The following EXOC2 variants were observed in gnomAD, a reference collection of about 807,000 sequenced individuals.
EXOC2 encodes the protein SEC5-like 1.
Under a neutral mutation model 131.8 loss-of-function variants are expected in EXOC2, and 70 were observed. The ratio of observed to expected loss-of-function variants is 0.53; its 90% CI spans 0.44 to 0.65. The LOEUF (loss-of-function observed/expected upper bound fraction) is 0.65. Ranked by LOEUF, EXOC2 falls within the 30% of genes least tolerant of loss-of-function variation. EXOC2 has a pLI of 0.00. For missense variants in EXOC2, 923 were observed against 1,108.6 expected (o/e 0.83, Z 2.38); for synonymous variants, 411 against 398.4 (o/e 1.03, Z -0.38).
At chr6:551,572 T>C (rs1448147891) in intron 21 of EXOC2, among the ~76,000 whole-genome samples, 1 of 152,076 alleles carries the variant, frequency 6.6e-6, no homozygotes, top group Non-Finnish European at 1.5e-5. Flanking sequence ...CTCCACCCAC[T>C]GGAAGAGGCA....
chr6:635,222 T>C (rs1762044944), intron 2 of EXOC2, among the ~76,000 whole-genome samples: 2 of 152,354 alleles, frequency 1.3e-5, no homozygotes, highest in South Asian at 2.1e-4. Flanking sequence ...GCTAGAGAAC[T>C]ACCTTATTTT....
rs60211087 is a variant in EXOC2, at chr6:584,007, T to A, written c.1193-7125A>T. On this transcript the variant is annotated intron_variant, in intron 11 of 27. Coordinates refer to ENST00000230449, the MANE Select transcript of EXOC2 (RefSeq NM_018303.6). Reference sequence around the variant, plus strand: ...AATATTCAGGAGAGAAACAATTTTTTAAATCTCTAGAAAATTAACTCCATA... The same window carrying A: ...AATATTCAGGAGAGAAACAATTTTTAAAATCTCTAGAAAATTAACTCCATA... Among the ~76,000 whole-genome samples the A allele has an allele frequency of 5.9e-3, 898 of 152,332 alleles. 9 individuals are homozygous for A. Among genetic ancestry groups the A allele is most frequent in the African/African-American group, 0.02 (818 of 41,556 alleles).
intron 13 of EXOC2, among the ~76,000 whole-genome samples, chr6:566,121 A>G (rs958473159): frequency 6.6e-6 from 1 of 152,214 alleles, no homozygotes; most frequent in African/African-American, 2.4e-5. Flanking sequence ...ATGTATAAAA[A>G]CTAAACCTGC....
chr6:560,950 C>T (rs1377031507), intron 17 of EXOC2, among the ~76,000 whole-genome samples: 5 of 151,934 alleles, frequency 3.3e-5, no homozygotes, highest in Admixed American at 6.6e-5. Context: ...TCAGGTGATC[C>T]GCCCGCCTGA....
intron 23 of EXOC2, among the ~76,000 whole-genome samples, chr6:512,189 G>T (rs955730359): frequency 1.3e-5 from 2 of 152,198 alleles, no homozygotes; most frequent in African/African-American, 4.8e-5. Context: ...TGGGACTGAG[G>T]AAGGCCCACA....
At chr6:682,575 T>C (rs1562011091) in intron 1 of EXOC2, among the ~76,000 whole-genome samples, 2 of 151,796 alleles carry the variant, frequency 1.3e-5, no homozygotes, top group Non-Finnish European at 2.9e-5. Context: ...TATTTTTTCC[T>C]CTCTCTCTCT....
intron 1 of EXOC2, chr6:656,678 C>T (rs753358962): frequency 1.1e-4 from 175 of 1,606,978 alleles, no homozygotes; most frequent in Admixed American, 6.7e-5. Context: ...TTCTCGCCGC[C>T]CGGGACAGGT....
At chr6:538,608 C>G (rs966477314) in intron 22 of EXOC2, among the ~76,000 whole-genome samples, 1 of 151,836 alleles carries the variant, frequency 6.6e-6, no homozygotes, top group African/African-American at 2.4e-5. Context: ...GTGTCTCTAA[C>G]AAAAACACAG....
chr6:554,191 G>A lies in EXOC2; in HGVS notation c.2055-271C>T, dbSNP rs1385816619. Reference sequence around the variant, plus strand: ...TGAGTAGCTGGGATTACAGGCGCCCGCCACCATGCCTGGCTAATTTTTATA... The same window carrying A: ...TGAGTAGCTGGGATTACAGGCGCCCACCACCATGCCTGGCTAATTTTTATA... On this transcript the variant is annotated intron_variant, in intron 20 of 27. Coordinates refer to ENST00000230449, the MANE Select transcript of EXOC2 (RefSeq NM_018303.6). Among the ~76,000 whole-genome samples, 5 of 152,092 alleles carry A rather than the reference G, an allele frequency of 3.3e-5. No individual in the cohort carries two copies. In the South Asian group the frequency reaches 6.2e-4, roughly 19 times the overall value.
intron 11 of EXOC2, among the ~76,000 whole-genome samples, chr6:582,735 G>C (rs1758982648): frequency 6.6e-6 from 1 of 151,310 alleles, no homozygotes; most frequent in African/African-American, 2.5e-5. Flanking sequence ...GATTATACAT[G>C]TATACATATA....
intron 23 of EXOC2, among the ~76,000 whole-genome samples, chr6:502,839 C>CA (rs1304205734): frequency 6.6e-6 from 1 of 152,054 alleles, no homozygotes; most frequent in Non-Finnish European, 1.5e-5. Flanking sequence ...TCCCCTCACA[C>CA]AAAAAAACGA....
intron 6 of EXOC2, among the ~76,000 whole-genome samples, chr6:616,896 C>T (rs896690479): frequency 6.6e-6 from 1 of 151,790 alleles, no homozygotes; most frequent in African/African-American, 2.4e-5. Context: ...GTATGCACTA[C>T]GCCTGGCTAA....
chr6:555,951 TA>T lies in EXOC2; in HGVS notation c.1992+2del. 1 of 1,613,852 alleles carries T rather than the reference TA, an allele frequency of 6.2e-7. No homozygotes were observed. The highest frequency in any genetic ancestry group is 1.1e-5 in the South Asian group (1 of 90,958). The stretch of plus-strand genomic sequence containing the variant: ...TTTCAGCATTACTGCTTTCTATTAT[TA>T]CCTGCATTATATTGATGCTTAGCTG... On this transcript the variant is annotated splice_donor_variant, in intron 19 of 27. Coordinates refer to ENST00000230449, the MANE Select transcript of EXOC2 (RefSeq NM_018303.6). LOFTEE classifies it high-confidence loss of function.
intron 4 of EXOC2, among the ~76,000 whole-genome samples, chr6:621,650 C>T (rs1044879245): frequency 2.0e-5 from 3 of 152,048 alleles, no homozygotes; most frequent in East Asian, 1.9e-4. Flanking sequence ...CCACTTCCAC[C>T]GAGACTGAGT....
chr6:583,824 A>C (rs1007283196), intron 11 of EXOC2, among the ~76,000 whole-genome samples: 1 of 152,226 alleles, frequency 6.6e-6, no homozygotes, highest in Non-Finnish European at 1.5e-5. Context: ...AGGTCCGCCC[A>C]CTGGCAGCCG....
intron 26 of EXOC2, among the ~76,000 whole-genome samples, chr6:489,783 C>T (rs962859596): frequency 2.6e-5 from 4 of 152,134 alleles, no homozygotes; most frequent in Non-Finnish European, 5.9e-5. Context: ...TTTAGGGGGT[C>T]GTTGCTTTTA....
intron 26 of EXOC2, 39 bp downstream of exon 26, chr6:491,086 T>G (rs992739053): frequency 6.2e-7 from 1 of 1,606,014 alleles, no homozygotes; most frequent in Non-Finnish European, 8.5e-7. Context: ...CAACCTTTAT[T>G]TTTAATAGAG....
At chr6:632,077 G>C (rs1761885764) in intron 3 of EXOC2, among the ~76,000 whole-genome samples, 1 of 152,086 alleles carries the variant, frequency 6.6e-6, no homozygotes, top group African/African-American at 2.4e-5. Flanking sequence ...AGACATTACA[G>C]GACCACAAAG....
chr6:563,820 G>A (rs941493369), intron 16 of EXOC2, among the ~76,000 whole-genome samples: 5 of 152,114 alleles, frequency 3.3e-5, no homozygotes, highest in Non-Finnish European at 5.9e-5. Flanking sequence ...ATTTTCAAGT[G>A]TATCCATCTT....
Sources: allele counts gnomAD v4.1 joint callset (sites outside exome capture counted in the v4.1 genomes callset), GRCh38; gene constraint gnomAD v4.1.1; transcripts MANE v1.5; gene names NCBI Gene and HGNC (gene_info 2026-07-23, HGNC 2026-07-21).